Variants in TENM2 observed in about 807,000 individuals in gnomAD.
The protein encoded by TENM2 is teneurin transmembrane protein 2, also known as teneurin-2.
In TENM2, 52 loss-of-function variants were observed where a neutral mutation model predicts 245.2. The ratio of observed to expected loss-of-function variants is 0.21; its 90% CI spans 0.17 to 0.27. The LOEUF is 0.27. Ranked by LOEUF, TENM2 falls within the 10% of genes least tolerant of loss-of-function variation. TENM2 has a pLI of 1.00. For synonymous variants in TENM2, 1,363 were observed against 1,438.9 expected (o/e 0.95, Z 1.19); for missense variants, 3,046 against 3,666.8 (o/e 0.83, Z 4.37).
intron 5 of TENM2, among the ~76,000 whole-genome samples, chr5:168,011,190 G>C (rs1785193565): frequency 6.6e-6 from 1 of 152,166 alleles, no homozygotes; most frequent in East Asian, 1.9e-4. Flanking sequence ...TTTCTCTCTT[G>C]CTATTTTGCA....
intron 4 of TENM2, among the ~76,000 whole-genome samples, chr5:167,992,735 A>G (rs1385144406): frequency 6.6e-6 from 1 of 152,198 alleles, no homozygotes; most frequent in East Asian, 1.9e-4. Flanking sequence ...TAACAACTAG[A>G]TGCATATGTG....
intron 27 of TENM2, among the ~76,000 whole-genome samples, chr5:168,253,657 C>A (rs1281813435): frequency 1.3e-5 from 2 of 150,346 alleles, no homozygotes; most frequent in Admixed American, 1.3e-4. Context: ...GATCTCCTGA[C>A]CTTGTGATTC....
rs190387731 is a variant in TENM2 at position 167,437,061 on chromosome 5, C to A, written c.502+61588C>A. Among the ~76,000 whole-genome samples, 6 of 152,252 alleles carry A rather than the reference C, an allele frequency of 3.9e-5. 1 individual carries two copies. Among genetic ancestry groups the A allele is most frequent in the Non-Finnish European group, 8.8e-5 (6 of 68,018 alleles). On this transcript the variant is annotated intron_variant, in intron 2 of 28. Coordinates refer to ENST00000518659, the Ensembl canonical transcript of TENM2. ...GCCTAGTGCAGCTGTGAGAAGAGGG[C>A]CACCATCCTCCAGACCCCAGAATGG...
intron 2 of TENM2, among the ~76,000 whole-genome samples, chr5:167,827,785 A>G (rs1432400108): frequency 6.6e-6 from 1 of 152,164 alleles, no homozygotes; most frequent in African/African-American, 2.4e-5. Context: ...ATAATTTTCC[A>G]ACCTCTGGAC....
the TENM2 span, among the ~76,000 whole-genome samples, chr5:166,999,158 G>A: frequency 3.3e-5 from 5 of 152,248 alleles, no homozygotes; most frequent in South Asian, 4.1e-4. Context: ...ACAATTAGTG[G>A]ACTCACAGTT....
chr5:168,229,053 ATAAT>A (rs894874585), intron 25 of TENM2, among the ~76,000 whole-genome samples: 25 of 148,164 alleles, frequency 1.7e-4, no homozygotes, highest in South Asian at 1.5e-3. Context: ...AATTACATAT[ATAAT>A]TAATGTATAA....
rs148457301 is a variant in TENM2 at position 167,658,640 on chromosome 5, A to C, written c.503-217346A>C. On this transcript the variant is annotated intron_variant, in intron 2 of 28. Transcript: ENST00000518659. Reference sequence around the variant, plus strand: ...GACCACAGCAATGCCAAAATTGAGAAAGTTGAGAACCACTGGTCTAGAAGC... The same window carrying C: ...GACCACAGCAATGCCAAAATTGAGACAGTTGAGAACCACTGGTCTAGAAGC... Among the ~76,000 whole-genome samples the C allele has an allele frequency of 2.7e-3, 405 of 152,292 alleles. 9 individuals carry two copies. Among genetic ancestry groups the C allele is most frequent in the Admixed American group, 0.019 (294 of 15,308 alleles).
chr5:167,454,656 A>G (rs1458976344), intron 2 of TENM2, among the ~76,000 whole-genome samples: 1 of 151,886 alleles, frequency 6.6e-6, no homozygotes, highest in Non-Finnish European at 1.5e-5. Context: ...TCTCTTTCCC[A>G]TCCACTCAAC....
At chr5:168,257,504 C>T (rs1479021656) in intron 27 of TENM2, among the ~76,000 whole-genome samples, 1 of 152,136 alleles carries the variant, frequency 6.6e-6, no homozygotes, top group East Asian at 1.9e-4. Context: ...TCAGACAGGT[C>T]GTGGAGAGGG....
At chr5:167,876,128 T>C (rs991193899) in exon 3 of TENM2, 3 of 1,551,460 alleles carry the variant, frequency 1.9e-6, no homozygotes, top group African/African-American at 2.7e-5. Context: ...CCAACCCTGA[T>C]GAGGAATTCT....
At chr5:167,721,264 T>A (rs1240704617) in intron 2 of TENM2, 1 of 151,632 alleles carries the variant, frequency 6.6e-6, no homozygotes, top group African/African-American at 2.4e-5. Context: ...AAAAAAAAAA[T>A]GATGAGGATT....
intron 1 of TENM2, among the ~76,000 whole-genome samples, chr5:167,316,653 A>G (rs1335055775): frequency 1.3e-5 from 2 of 152,168 alleles, no homozygotes; most frequent in Non-Finnish European, 2.9e-5. Context: ...ATGTTTGTAT[A>G]TGTGTATTAA....
chr5:167,309,118 C>T (rs1379869280), intron 1 of TENM2, among the ~76,000 whole-genome samples: 1 of 152,082 alleles, frequency 6.6e-6, no homozygotes, highest in South Asian at 2.1e-4. Context: ...AAATCACCTT[C>T]CTATAGAATG....
At chr5:167,924,451 G>A (rs951622526) in intron 3 of TENM2, among the ~76,000 whole-genome samples, 2 of 152,186 alleles carry the variant, frequency 1.3e-5, no homozygotes, top group African/African-American at 4.8e-5. Context: ...CGTCTGACCT[G>A]TCAGCCAATT....
chr5:167,923,839 G>A (rs886321402), intron 3 of TENM2, among the ~76,000 whole-genome samples: 2 of 152,012 alleles, frequency 1.3e-5, no homozygotes, highest in Non-Finnish European at 2.9e-5. Context: ...CACCCAGAAC[G>A]AACTCTCTTT....
the TENM2 span, among the ~76,000 whole-genome samples, chr5:167,029,632 T>C: frequency 2.0e-5 from 3 of 152,132 alleles, no homozygotes; most frequent in Non-Finnish European, 4.4e-5. Context: ...ATCTCTAAAA[T>C]TGGAATAAAA....
At chr5:166,985,094 T>C in the TENM2 span, among the ~76,000 whole-genome samples, 1 of 152,164 alleles carries the variant, frequency 6.6e-6, no homozygotes. Context: ...ATTTTTGCTC[T>C]TTATGTCTAA....
At chr5:167,802,216 C>T (rs1765834829) in intron 2 of TENM2, among the ~76,000 whole-genome samples, 2 of 152,112 alleles carry the variant, frequency 1.3e-5, no homozygotes, top group African/African-American at 4.8e-5. Context: ...AAATAAGTTT[C>T]AACATGAATT....
At chr5:167,234,670 C>T in the TENM2 span, among the ~76,000 whole-genome samples, 1 of 152,134 alleles carries the variant, frequency 6.6e-6, no homozygotes, top group African/African-American at 2.4e-5. Context: ...ATATTTGGCA[C>T]AAGCAGGTCT....
Sources: allele counts gnomAD v4.1 joint callset (sites outside exome capture counted in the v4.1 genomes callset), GRCh38; gene constraint gnomAD v4.1.1; transcripts MANE v1.5; gene names NCBI Gene and HGNC (gene_info 2026-07-23, HGNC 2026-07-21).